The following BZW2 variants were observed in gnomAD, a reference collection of about 807,000 sequenced individuals.
The protein encoded by BZW2 is basic leucine zipper and W2 domains 2.
In BZW2, 23 loss-of-function variants were observed where a neutral mutation model predicts 53.2. The ratio of observed to expected loss-of-function variants is 0.43; its 90% CI spans 0.31 to 0.61. BZW2 has a LOEUF of 0.61. BZW2 is among the 20% of genes least tolerant of loss of function. The probability of loss-of-function intolerance (pLI) is 0.09; values close to 1 mark genes in which losing one functional copy is unlikely to be tolerated. For synonymous variants in BZW2, 227 were observed against 186.4 expected (o/e 1.22, Z -1.77); for missense variants, 409 against 503.1 (o/e 0.81, Z 1.79).
chr7:16,698,721 A>G (rs968818753), intron 10 of BZW2, among the ~76,000 whole-genome samples: 1 of 152,174 alleles, frequency 6.6e-6, no homozygotes, highest in South Asian at 2.1e-4. Context: ...TTAGGTTGCT[A>G]TGACAACTGG....
chr7:16,656,030 T>A (rs1782111568), intron 1 of BZW2, among the ~76,000 whole-genome samples: 1 of 152,000 alleles, frequency 6.6e-6, no homozygotes, highest in Non-Finnish European at 1.5e-5. Flanking sequence ...ATAGATACCA[T>A]AATTTTATCT....
intron 1 of BZW2, among the ~76,000 whole-genome samples, chr7:16,659,078 A>AT (rs898256514): frequency 6.6e-6 from 1 of 151,856 alleles, no homozygotes; most frequent in Non-Finnish European, 1.5e-5. Flanking sequence ...CCTGGGCAAC[A>AT]TGGCGAAACT....
At chr7:16,654,419 C>A (rs895467049) in intron 1 of BZW2, among the ~76,000 whole-genome samples, 9 of 151,130 alleles carry the variant, frequency 6.0e-5, no homozygotes. Flanking sequence ...TATATAACTC[C>A]AAGTCCAAAT....
chr7:16,675,036 G>A (rs1782724634), intron 3 of BZW2, among the ~76,000 whole-genome samples: 1 of 152,072 alleles, frequency 6.6e-6, no homozygotes. Context: ...TAAATTTTAA[G>A]TAAGTAGAAA....
chr7:16,654,019 G>A (rs1782054176), intron 1 of BZW2, among the ~76,000 whole-genome samples: 1 of 139,744 alleles, frequency 7.2e-6, no homozygotes, highest in South Asian at 2.2e-4. Flanking sequence ...GGCCAAGGTG[G>A]GCAGATCACT....
rs146096385 is a variant in BZW2 at position 16,690,864 on chromosome 7, C to T, written c.651+958C>T. ...GCAGCTGTGAAATGCCAAGATTTCT[C>T]CAGGTGGAATTGCTTTTACAGTTCT... On this transcript the variant is annotated intron_variant, in intron 7 of 11. Transcript: ENST00000258761. Among the ~76,000 whole-genome samples, 691 of 152,230 alleles carry T rather than the reference C, an allele frequency of 4.5e-3. 6 individuals are homozygous for T. The highest frequency in any genetic ancestry group is 0.016 in the African/African-American group (668 of 41,538).
chr7:16,688,159 G>T (rs570222970), intron 6 of BZW2, among the ~76,000 whole-genome samples: 1 of 152,020 alleles, frequency 6.6e-6, no homozygotes, highest in Non-Finnish European at 1.5e-5. Context: ...GGTCAAATTG[G>T]TATATAAGGA....
intron 1 of BZW2, among the ~76,000 whole-genome samples, chr7:16,646,887 A>G (rs1328730329): frequency 6.6e-6 from 1 of 152,146 alleles, no homozygotes; most frequent in Non-Finnish European, 1.5e-5. Context: ...GGGAGGGGGA[A>G]GGAAGGGCTT....
At chr7:16,678,790 C>T (rs1782846279) in intron 3 of BZW2, among the ~76,000 whole-genome samples, 5 of 151,558 alleles carry the variant, frequency 3.3e-5, no homozygotes, top group Admixed American at 2.0e-4. Flanking sequence ...AGAAAGAGTA[C>T]AAAAGTAAGA....
At chr7:16,696,597 G>T (rs1410390220) in intron 8 of BZW2, among the ~76,000 whole-genome samples, 1 of 152,136 alleles carries the variant, frequency 6.6e-6, no homozygotes, top group Non-Finnish European at 1.5e-5. Context: ...AAGTCAAACT[G>T]GCTCAAGTAT....
At chr7:16,688,105 T>C (rs925933227) in intron 6 of BZW2, among the ~76,000 whole-genome samples, 1 of 152,166 alleles carries the variant, frequency 6.6e-6, no homozygotes, top group South Asian at 2.1e-4. Context: ...ATATGAATGA[T>C]AGACCAATTA....
At chr7:16,682,752 T>G (rs368856057) in intron 4 of BZW2, 28 bp from the exon 5 acceptor site, 1 of 1,475,130 alleles carries the variant, frequency 6.8e-7, no homozygotes, top group African/African-American at 1.5e-5. Flanking sequence ...TTGGTTGACC[T>G]AATATTTAAT....
At chr7:16,656,598 A>ACACACACACACAC (rs1562475777) in intron 1 of BZW2, among the ~76,000 whole-genome samples, 2 of 122,624 alleles carry the variant, frequency 1.6e-5, no homozygotes, top group African/African-American at 7.4e-5. Flanking sequence ...CACACACACA[A>ACACACACACACAC]GTAGGTTTAG....
intron 1 of BZW2, among the ~76,000 whole-genome samples, chr7:16,650,986 TTTTAGCAATAGG>T (rs1217174037): frequency 1.3e-5 from 2 of 152,246 alleles, no homozygotes; most frequent in Non-Finnish European, 2.9e-5. Context: ...CTTTCTTGAT[TTTTAGCAATAGG>T]TGTTTCCATT....
chr7:16,697,200 C>T, intron 9 of BZW2, 139 bp downstream of exon 9: 1 of 939,342 alleles, frequency 1.1e-6, no homozygotes, highest in Non-Finnish European at 1.5e-6. Context: ...AGCCACCCTC[C>T]CTCCTCAGCC....
chr7:16,680,046 A>G (rs1208333452), intron 3 of BZW2, among the ~76,000 whole-genome samples: 2 of 152,190 alleles, frequency 1.3e-5, no homozygotes, highest in East Asian at 1.9e-4. Context: ...TCTTCTAGCC[A>G]ACATAGCAGC....
chr7:16,671,383 T>TG (rs1015139614), intron 2 of BZW2, among the ~76,000 whole-genome samples: 1 of 152,226 alleles, frequency 6.6e-6, no homozygotes, highest in African/African-American at 2.4e-5. Context: ...TCTCTTGAGT[T>TG]GGGGGGCCTT....
chr7:16,657,859 C>G (rs530302956), intron 1 of BZW2, among the ~76,000 whole-genome samples: 102 of 152,268 alleles, frequency 6.7e-4, no homozygotes, highest in Non-Finnish European at 1.3e-3. Context: ...TAGGGTTTCT[C>G]AACCTCAGCA....
intron 1 of BZW2, among the ~76,000 whole-genome samples, chr7:16,651,597 G>A (rs1781984772): frequency 6.6e-6 from 1 of 152,158 alleles, no homozygotes; most frequent in Non-Finnish European, 1.5e-5. Flanking sequence ...AAAAGGATGC[G>A]GTGTTAGTAT....
Sources: gnomAD v4.1 joint callset for allele counts (sites outside exome capture counted in the v4.1 genomes callset) on GRCh38, gnomAD v4.1.1 for gene constraint, MANE v1.5 for transcripts, NCBI Gene and HGNC (gene_info 2026-07-23, HGNC 2026-07-21) for gene names.